Variants in PPP1R12A observed in about 807,000 individuals in gnomAD.
PPP1R12A encodes the protein myosin binding subunit.
In PPP1R12A, 19 loss-of-function variants were observed where a neutral mutation model predicts 139.6. The ratio of observed to expected loss-of-function variants is 0.14; its 90% CI spans 0.09 to 0.20. PPP1R12A has a LOEUF of 0.20. Ranked by LOEUF, PPP1R12A falls within the 10% of genes least tolerant of loss-of-function variation. PPP1R12A has a pLI of 1.00. For missense variants in PPP1R12A, 925 were observed against 1,211.5 expected (o/e 0.76, Z 3.51); for synonymous variants, 427 against 420.6 (o/e 1.02, Z -0.19).
chr12:79,872,665 AC>A (rs1882699453), intron 2 of PPP1R12A, 142 bp downstream of exon 2: 1 of 944,302 alleles, frequency 1.1e-6, no homozygotes, highest in African/African-American at 1.7e-5. Flanking sequence ...ATTCCCAATA[AC>A]CACTTATTTT....
intron 1 of PPP1R12A, among the ~76,000 whole-genome samples, chr12:79,875,441 G>C (rs1280531735): frequency 1.3e-5 from 2 of 152,202 alleles, no homozygotes; most frequent in Non-Finnish European, 2.9e-5. Context: ...TATTTGCCCA[G>C]AGGGCAAGTG....
rs374779991 is a variant in PPP1R12A, at chr12:79,934,966, G to T, written c.-35C>A. 122 of 1,548,168 alleles carry T rather than the reference G, an allele frequency of 7.9e-5. No individual in the cohort carries two copies. The highest frequency in any genetic ancestry group is 9.5e-5 in the Non-Finnish European group (109 of 1,144,378). On this transcript the variant is annotated 5_prime_UTR_variant, in exon 1 of 25. Coordinates refer to ENST00000450142, the MANE Select transcript of PPP1R12A (RefSeq NM_002480.3). ...TGCCGCCGGGTCTTCTTATCGCGAG[G>T]GGGGGAAGGGGGAGGCGGAGAGGGA...
intron 1 of PPP1R12A, among the ~76,000 whole-genome samples, chr12:79,888,680 C>T (rs768400353): frequency 8.5e-5 from 13 of 152,116 alleles, no homozygotes; most frequent in Non-Finnish European, 1.5e-4. Flanking sequence ...CACTTTTATA[C>T]GTGCCATGGA....
intron 1 of PPP1R12A, among the ~76,000 whole-genome samples, chr12:79,907,833 G>T (rs1405081959): frequency 1.3e-5 from 2 of 152,178 alleles, no homozygotes; most frequent in East Asian, 3.8e-4. Context: ...AGGAGTTCAA[G>T]ATTATATTGA....
chr12:79,781,984 G>A (rs2111687), intron 22 of PPP1R12A, 122 bp from the exon 23 acceptor site: 408,148 of 480,892 alleles, frequency 0.85, 177,596 homozygotes, highest in Non-Finnish European at 0.92. Context: ...ACAGGTTCGT[G>A]AGTAAAGCAA....
At chr12:79,840,052 AT>A (rs79603295) in intron 3 of PPP1R12A, among the ~76,000 whole-genome samples, 6,133 of 152,288 alleles carry the variant, frequency 0.04, 434 homozygotes, top group East Asian at 0.29. Flanking sequence ...CTAGGGAGAC[AT>A]TTTAAATAAA....
At chr12:79,884,294 A>G (rs1384395192) in intron 1 of PPP1R12A, among the ~76,000 whole-genome samples, 1 of 152,212 alleles carries the variant, frequency 6.6e-6, no homozygotes, top group Non-Finnish European at 1.5e-5. Context: ...GCTAATTTTG[A>G]TTTTAAATGT....
At chr12:79,855,131 G>A (rs975265648) in intron 2 of PPP1R12A, among the ~76,000 whole-genome samples, 1 of 151,990 alleles carries the variant, frequency 6.6e-6, no homozygotes, top group Non-Finnish European at 1.5e-5. Flanking sequence ...TGGGACTACA[G>A]GCGCCTGCCA....
chr12:79,811,027 G>A (rs1409989465), intron 9 of PPP1R12A, among the ~76,000 whole-genome samples: 1 of 151,986 alleles, frequency 6.6e-6, no homozygotes, highest in Non-Finnish European at 1.5e-5. Flanking sequence ...TGCAACCTCT[G>A]TTATCTTTAG....
chr12:79,918,792 A>C (rs1887200286), intron 1 of PPP1R12A, among the ~76,000 whole-genome samples: 1 of 152,202 alleles, frequency 6.6e-6, no homozygotes, highest in Non-Finnish European at 1.5e-5. Context: ...CTTAAAAAAG[A>C]AAAATTGGTT....
chr12:79,929,077 T>C (rs1022773719), intron 1 of PPP1R12A, among the ~76,000 whole-genome samples: 2 of 151,974 alleles, frequency 1.3e-5, no homozygotes, highest in African/African-American at 2.4e-5. Flanking sequence ...GGTTGGGGAG[T>C]GGGGCCGGAT....
At chr12:79,858,981 C>A (rs1282196052) in intron 2 of PPP1R12A, among the ~76,000 whole-genome samples, 2 of 151,842 alleles carry the variant, frequency 1.3e-5, no homozygotes, top group African/African-American at 4.8e-5. Flanking sequence ...GGCTACAACG[C>A]AAAATAATTT....
At chr12:79,906,757 C>A (rs560080019) in intron 1 of PPP1R12A, among the ~76,000 whole-genome samples, 19 of 152,306 alleles carry the variant, frequency 1.2e-4, no homozygotes, top group African/African-American at 4.6e-4. Context: ...AATTCTCCTG[C>A]TACAGCTTCC....
chr12:79,817,666 T>C (rs1485013898), intron 8 of PPP1R12A, 148 bp from the exon 9 acceptor site: 28 of 635,500 alleles, frequency 4.4e-5, no homozygotes, highest in Middle Eastern at 4.7e-4. Flanking sequence ...AAGTCAGTTT[T>C]TCAGGGAGCT....
intron 21 of PPP1R12A, chr12:79,787,743 C>A (rs549630635): frequency 6.6e-6 from 1 of 152,298 alleles, no homozygotes; most frequent in East Asian, 1.9e-4. Flanking sequence ...AACTCCCGAC[C>A]TCAGGTGATG....
At chr12:79,836,532 C>T (rs933949649) in intron 3 of PPP1R12A, among the ~76,000 whole-genome samples, 2 of 151,914 alleles carry the variant, frequency 1.3e-5, no homozygotes, top group African/African-American at 4.8e-5. Context: ...GCTTCCAAAT[C>T]GTGCTCACAT....
At chr12:79,836,848 C>T (rs549901769) in intron 3 of PPP1R12A, among the ~76,000 whole-genome samples, 6 of 152,206 alleles carry the variant, frequency 3.9e-5, no homozygotes, top group South Asian at 4.1e-4. Context: ...GATACTGAAC[C>T]GAGACTGGCT....
At chr12:79,883,029 C>A (rs375856757) in intron 1 of PPP1R12A, among the ~76,000 whole-genome samples, 1 of 152,062 alleles carries the variant, frequency 6.6e-6, no homozygotes, top group South Asian at 2.1e-4. Flanking sequence ...CCCAGCTACT[C>A]GGGAGGTGGA....
At chr12:79,892,901 C>T (rs1028820210) in intron 1 of PPP1R12A, among the ~76,000 whole-genome samples, 1 of 152,000 alleles carries the variant, frequency 6.6e-6, no homozygotes, top group Admixed American at 6.6e-5. Flanking sequence ...GTTAAGAGTT[C>T]GAGACCAGCC....
Sources: gnomAD v4.1 joint callset for allele counts (sites outside exome capture counted in the v4.1 genomes callset) on GRCh38, gnomAD v4.1.1 for gene constraint, MANE v1.5 for transcripts, NCBI Gene and HGNC (gene_info 2026-07-23, HGNC 2026-07-21) for gene names.